Variants in CHD1L observed in about 807,000 individuals in gnomAD.
CHD1L encodes the protein ATP-dependent chromatin remodeler CHD1L.
Under a neutral mutation model 115.9 loss-of-function variants are expected in CHD1L, and 118 were observed. The ratio of observed to expected loss-of-function variants is 1.02; its 90% CI spans 0.88 to 1.19. The LOEUF (loss-of-function observed/expected upper bound fraction) is 1.19. Among genes scored for constraint, CHD1L ranks in the 50% most tolerant of loss-of-function variants. The pLI is 0.00. For synonymous variants in CHD1L, 411 were observed against 387.1 expected (o/e 1.06, Z -0.72); for missense variants, 1,179 against 1,065.3 (o/e 1.11, Z -1.49).
In CHD1L at chr1:147,243,774, A is replaced by C. The variant is rs587739291; in HGVS notation, c.127+944A>C. ...TAGGCATTGGCTACAAAGATGAGCA[A>C]AACAAATAGGGACCCTTCCTACCTA... On this transcript the variant is annotated intron_variant, in intron 1 of 22. Transcript: ENST00000369258. Among the ~76,000 whole-genome samples the C allele has an allele frequency of 1.3e-4, 20 of 152,372 alleles. No homozygotes were observed. The South Asian group carries it at 4.1e-3, about 32-fold the overall frequency.
intron 21 of CHD1L, 92 bp downstream of exon 21, chr1:147,293,814 C>A: frequency 1.9e-6 from 2 of 1,027,184 alleles, no homozygotes; most frequent in Non-Finnish European, 1.5e-6. Context: ...GTCAAGATCC[C>A]ACTTAATATG....
chr1:147,294,589 G>C, intron 22 of CHD1L, 72 bp downstream of exon 22: 1 of 1,246,520 alleles, frequency 8.0e-7, no homozygotes, highest in Non-Finnish European at 1.1e-6. Flanking sequence ...TCTGGTGTCA[G>C]TTCTTAATCC....
the CHD1L span, among the ~76,000 whole-genome samples, chr1:147,191,832 A>G: frequency 6.6e-6 from 1 of 151,972 alleles, no homozygotes; most frequent in Non-Finnish European, 1.5e-5. Context: ...GACATGCGGC[A>G]TTATTTCTGA....
At position 147,249,404 on chromosome 1, in the gene CHD1L, A is replaced by ATTTTTTTTTTTTTTTTTTTTTTTT. The variant is rs59773572; in HGVS notation, c.128-3199_128-3198insTTTTTTTTTTTTTTTTTTTTTTTT. Reference sequence around the variant, plus strand: ...TTAATAATTACATATCTTGGTGTGTATTTTTTTTTTTTTTTTTTTTGAGAT... The same window carrying ATTTTTTTTTTTTTTTTTTTTTTTT: ...TTAATAATTACATATCTTGGTGTGTATTTTTTTTTTTTTTTTTTTTTTTTTTTTTTTTTTTTTTTTTTTTGAGAT... On this transcript the variant is annotated intron_variant, in intron 1 of 22. Coordinates refer to ENST00000369258, the MANE Select transcript of CHD1L (RefSeq NM_004284.6). 3.2e-5 allele frequency among the ~76,000 whole-genome samples: 3 copies of ATTTTTTTTTTTTTTTTTTTTTTTT among 94,174 alleles called. 1 individual carries two copies. The highest frequency in any genetic ancestry group is 4.4e-5 in the African/African-American group (1 of 22,524). 61.8% of individuals were successfully genotyped at this position (94,174 alleles called of 152,430 possible).
the CHD1L span, among the ~76,000 whole-genome samples, chr1:147,207,137 T>A: frequency 1.3e-5 from 2 of 152,122 alleles, no homozygotes; most frequent in Non-Finnish European, 2.9e-5. Flanking sequence ...TATATGATGG[T>A]TATGTAGGAG....
At chr1:147,278,138 T>C (rs1553959254) in intron 14 of CHD1L, among the ~76,000 whole-genome samples, 1 of 152,072 alleles carries the variant, frequency 6.6e-6, no homozygotes, top group East Asian at 1.9e-4. Context: ...ATGAGTTATT[T>C]GTGGTTACCA....
chr1:147,203,856 C>A, the CHD1L span: 1 of 1,580,790 alleles, frequency 6.3e-7, no homozygotes. Context: ...AAAACCACCA[C>A]CTGAGTATCT....
the CHD1L span, among the ~76,000 whole-genome samples, chr1:147,191,778 C>T: frequency 6.6e-6 from 1 of 152,006 alleles, no homozygotes; most frequent in Non-Finnish European, 1.5e-5. Context: ...ATCCTTTCCC[C>T]ATTTCTTGTT....
In CHD1L at chr1:147,269,447, G is replaced by T. The variant is rs960096002; in HGVS notation, c.1085+569G>T. Among the ~76,000 whole-genome samples, 11 of 152,090 alleles carry T rather than the reference G, an allele frequency of 7.2e-5. No individual in the cohort carries two copies. In the East Asian group the frequency reaches 1.9e-3, roughly 27 times the overall value. ...ATACTTTGGGAGGCTGAGGTGGGCG[G>T]ATCATGAGGTCAAGAGATCGAGACC... On this transcript the variant is annotated intron_variant, in intron 10 of 22. Transcript: ENST00000369258.
At chr1:147,200,367 T>C in the CHD1L span, among the ~76,000 whole-genome samples, 1 of 152,160 alleles carries the variant, frequency 6.6e-6, no homozygotes, top group African/African-American at 2.4e-5. Flanking sequence ...GCTTTTTCAG[T>C]TGTACTTCAG....
At chr1:147,276,729 A>C (rs1212170634) in intron 14 of CHD1L, among the ~76,000 whole-genome samples, 2 of 152,202 alleles carry the variant, frequency 1.3e-5, no homozygotes, top group Non-Finnish European at 2.9e-5. Context: ...AATTTATTTA[A>C]AGAAGGGAGT....
the CHD1L span, chr1:147,190,130 A>G: frequency 8.0e-7 from 1 of 1,252,980 alleles, no homozygotes; most frequent in Non-Finnish European, 1.2e-6. Context: ...TTTTATTAAG[A>G]AATAAGTAGA....
chr1:147,205,455 C>T, the CHD1L span, among the ~76,000 whole-genome samples: 3 of 151,970 alleles, frequency 2.0e-5, no homozygotes, highest in Non-Finnish European at 4.4e-5. Context: ...AAACATTTAA[C>T]CTGAATATAA....
the CHD1L span, among the ~76,000 whole-genome samples, chr1:147,219,000 T>C: frequency 6.6e-6 from 1 of 152,196 alleles, no homozygotes; most frequent in African/African-American, 2.4e-5. Flanking sequence ...TTTCCATGAC[T>C]GTGAGAAACC....
chr1:147,206,459 C>T, the CHD1L span, among the ~76,000 whole-genome samples: 1 of 152,168 alleles, frequency 6.6e-6, no homozygotes, highest in Non-Finnish European at 1.5e-5. Context: ...AAGACACATG[C>T]ACACGTATGT....
intron 19 of CHD1L, among the ~76,000 whole-genome samples, chr1:147,290,936 AG>A (rs1685283496): frequency 6.6e-6 from 1 of 152,152 alleles, no homozygotes; most frequent in African/African-American, 2.4e-5. Context: ...TATAGTCATG[AG>A]TCACTGTGCT....
the CHD1L span, among the ~76,000 whole-genome samples, chr1:147,189,434 A>G: frequency 2.0e-5 from 3 of 152,140 alleles, no homozygotes; most frequent in African/African-American, 7.2e-5. Context: ...ACGGAATTAA[A>G]TAAAAACTTA....
chr1:147,291,964 C>CG (rs1242035768), intron 20 of CHD1L, among the ~76,000 whole-genome samples: 1 of 151,732 alleles, frequency 6.6e-6, no homozygotes, highest in African/African-American at 2.4e-5. Flanking sequence ...ACATGAGGTA[C>CG]GGGGGGTTGG....
chr1:147,216,255 A>G, the CHD1L span, among the ~76,000 whole-genome samples: 1 of 152,180 alleles, frequency 6.6e-6, no homozygotes, highest in Non-Finnish European at 1.5e-5. Context: ...GAGAAATCCA[A>G]CTACCATGAG....
Sources: gnomAD v4.1 joint callset for allele counts (sites outside exome capture counted in the v4.1 genomes callset) on GRCh38, gnomAD v4.1.1 for gene constraint, MANE v1.5 for transcripts, NCBI Gene and HGNC (gene_info 2026-07-23, HGNC 2026-07-21) for gene names.